ZNF559: variants seen among roughly 807,000 people sequenced by gnomAD.
ZNF559 encodes the protein putative protein product of Nbla00121.
ZNF559 carries 17 observed loss-of-function variants against 14.2 expected under a neutral mutation model. That is an observed-to-expected ratio of 1.20 (90% CI 0.82 to 1.80). ZNF559 has a LOEUF of 1.80. Among genes scored for constraint, ZNF559 ranks in the 40% most tolerant of loss-of-function variants. ZNF559 has a pLI of 0.00. For synonymous variants in ZNF559, 244 were observed against 212.4 expected, an observed-to-expected ratio of 1.15 and a Z score of -1.29; for missense variants, 740 against 629.7, an observed-to-expected ratio of 1.18 and a Z score of -1.88.
chr19:9,344,963 A>G lies in ZNF559; in HGVS notation c.*1895A>G, dbSNP rs2067698354. ...CACCATCAAGATAATGAACATACCT[A>G]TCAAACCAGATGGTTTCCTCATGCC... On this transcript the variant is annotated 3_prime_UTR_variant, in exon 7 of 7. Coordinates refer to ENST00000603380, the MANE Select transcript of ZNF559 (RefSeq NM_032497.3). 2 of 152,266 alleles carry G rather than the reference A, an allele frequency of 1.3e-5. No individual in the cohort carries two copies. Among genetic ancestry groups the G allele is most frequent in the Non-Finnish European group, 2.9e-5 (2 of 68,048 alleles). The allele number at this position is 152,266 out of a possible 1,614,324, so 9.4% of individuals were successfully genotyped here. A position where few individuals can be genotyped will look rare whatever the true frequency, so the allele number is the denominator to read the frequency against.
Position 9,324,767 on chromosome 19 carries a change from T to C in ZNF559, c.-133T>C. The C allele has an allele frequency of 6.5e-7, 1 of 1,535,940 alleles. No homozygotes were observed. Among genetic ancestry groups the C allele is most frequent in the South Asian group, 1.2e-5 (1 of 84,052 alleles). On this transcript the variant is annotated 5_prime_UTR_variant, in exon 2 of 7. Coordinates refer to ENST00000603380, the MANE Select transcript of ZNF559 (RefSeq NM_032497.3). ...CTCCTGGCCTCAGCAACCTGACAAT[T>C]CTGTCGTGTCCCGGTGAGCACTTCA...
At position 9,345,811 on chromosome 19, in the gene ZNF559, TTA is replaced by T. The variant is rs1356819829; in HGVS notation, c.*2747_*2748del. The T allele has an allele frequency of 6.6e-6, 1 of 151,440 alleles. No homozygotes were observed. Among genetic ancestry groups the T allele is most frequent in the African/African-American group, 2.4e-5 (1 of 41,348 alleles). The allele number at this position is 151,440 out of a possible 1,614,324, so 9.4% of individuals were successfully genotyped here. A position where few individuals can be genotyped will look rare whatever the true frequency, so the allele number is the denominator to read the frequency against. On this transcript the variant is annotated 3_prime_UTR_variant, in exon 7 of 7. Transcript: ENST00000603380. The stretch of plus-strand genomic sequence containing the variant: ...TATTAGTGTATTTGATATTAATACT[TTA>T]TATTTAATATAATGTACATTTAAAT...
At chr19:9,337,605 GTTAA>G (rs1438664428) in intron 2 of ZNF559, 187 bp from the exon 3 acceptor site, 2 of 248,054 alleles carry the variant, frequency 8.1e-6, no homozygotes, top group Non-Finnish European at 1.6e-5. Context: ...GTGATGTTGG[GTTAA>G]TTAGTGTCTG....
At chr19:9,332,479 C>CA (rs1046637477) in intron 2 of ZNF559, among the ~76,000 whole-genome samples, 28 of 152,138 alleles carry the variant, frequency 1.8e-4, no homozygotes, top group Non-Finnish European at 3.5e-4. Context: ...GATTTATCTT[C>CA]ACCCCTTTGC....
rs2067671020 is a variant in ZNF559 at position 9,343,699 on chromosome 19, A to T, written c.*631A>T. On this transcript the variant is annotated 3_prime_UTR_variant, in exon 7 of 7. Transcript: ENST00000603380. ...TAGGAAACATCCACACTGAAGAGGA[A>T]CCTGACTGTATGGAAGGTCAAAAAG... 1.0e-6 allele frequency: 1 copy of T among 987,042 alleles called. No individual in the cohort carries two copies. Among genetic ancestry groups the T allele is most frequent in the African/African-American group, 1.7e-5 (1 of 57,372 alleles). 61.1% of individuals were successfully genotyped at this position (987,042 alleles called of 1,614,324 possible).
At chr19:9,328,091 G>A (rs1309367998) in intron 2 of ZNF559, among the ~76,000 whole-genome samples, 2 of 152,004 alleles carry the variant, frequency 1.3e-5, no homozygotes, top group Non-Finnish European at 1.5e-5. Context: ...AACTTAAGAG[G>A]TTTTTTGTTT....
At chr19:9,335,252 C>A (rs564176579) in intron 2 of ZNF559, among the ~76,000 whole-genome samples, 1 of 151,998 alleles carries the variant, frequency 6.6e-6, no homozygotes, top group East Asian at 1.9e-4. Context: ...GCCTTTCCAA[C>A]ATTGCGAGGA....
At position 9,341,887 on chromosome 19, in the gene ZNF559, C is replaced by G; in HGVS notation, c.436C>G (p.Leu146Val). Reference sequence around the variant, plus strand: ...CAAGAAAACTGATATCGGAGAGGAACTTCCTAACTGTAATCAATGTGAAAC... The same window carrying G: ...CAAGAAAACTGATATCGGAGAGGAAGTTCCTAACTGTAATCAATGTGAAAC... Reference protein sequence around the residue: ...LHKKTDIGEELPNCNQCETAF... With the variant: ...LHKKTDIGEEVPNCNQCETAF... Residue 146 changes from leucine (L) to valine (V), a missense_variant, in exon 7 of 7, where the codon CTT (leucine) becomes GTT (valine). By Grantham distance (32) the Leu-to-Val change is conservative. Transcript: ENST00000603380. 6.2e-7 allele frequency: 1 copy of G among 1,610,160 alleles called. No individual in the cohort carries two copies. Among genetic ancestry groups the G allele is most frequent in the Non-Finnish European group, 8.5e-7 (1 of 1,179,030 alleles).
intron 2 of ZNF559, among the ~76,000 whole-genome samples, chr19:9,333,841 G>A (rs1450216624): frequency 2.0e-5 from 3 of 152,008 alleles, no homozygotes; most frequent in African/African-American, 7.3e-5. Context: ...AAATTAAGAG[G>A]CTTGAGCAGG....
intron 5 of ZNF559, among the ~76,000 whole-genome samples, chr19:9,340,029 G>A (rs907341986): frequency 3.5e-5 from 5 of 140,974 alleles, no homozygotes; most frequent in South Asian, 4.5e-4. Flanking sequence ...CTTGTGATCC[G>A]CCCACCTCGG....
chr19:9,343,877 C>T lies in ZNF559; in HGVS notation c.*809C>T. The T allele has an allele frequency of 1.1e-6, 1 of 885,404 alleles. No homozygotes were observed. 54.8% of individuals were successfully genotyped at this position (885,404 alleles called of 1,614,324 possible). A position where few individuals can be genotyped will look rare whatever the true frequency, so the allele number is the denominator to read the frequency against. On this transcript the variant is annotated 3_prime_UTR_variant, in exon 7 of 7. Transcript: ENST00000603380. ...GAGTTATCTCAATTGTTCACGGTTA[C>T]AGATGGAACTCTTTATTATTGAGGA...
At chr19:9,334,348 G>T (rs1457994183) in intron 2 of ZNF559, among the ~76,000 whole-genome samples, 1 of 152,140 alleles carries the variant, frequency 6.6e-6, no homozygotes, top group African/African-American at 2.4e-5. Context: ...GCTCAAAAAG[G>T]TTTTTTGGAG....
chr19:9,340,658 C>A (rs1397806033), intron 5 of ZNF559, among the ~76,000 whole-genome samples: 2 of 150,616 alleles, frequency 1.3e-5, no homozygotes, highest in African/African-American at 4.9e-5. Context: ...CCTCTGCCTT[C>A]CGGGTTCAAG....
chr19:9,324,110 G>T, upstream of ZNF559: 5 of 1,516,108 alleles, frequency 3.3e-6, no homozygotes, highest in Admixed American at 4.0e-5. Flanking sequence ...TGATGGGCCC[G>T]GGAACCCGAG....
chr19:9,339,548 T>C (rs774968796), intron 5 of ZNF559, among the ~76,000 whole-genome samples: 30 of 152,186 alleles, frequency 2.0e-4, no homozygotes, highest in Non-Finnish European at 4.3e-4. Context: ...TTCTTGAATA[T>C]GTGTATGAGC....
chr19:9,341,416 A>G, intron 6 of ZNF559: 1 of 755,206 alleles, frequency 1.3e-6, no homozygotes, highest in Non-Finnish European at 2.3e-6. Flanking sequence ...TGTATCTCAG[A>G]TGTTTTTGAT....
chr19:9,336,684 A>G (rs1038789622), intron 2 of ZNF559, among the ~76,000 whole-genome samples: 7 of 152,190 alleles, frequency 4.6e-5, no homozygotes, highest in African/African-American at 1.7e-4. Flanking sequence ...TTTTTTGTAT[A>G]GTTGACTGCT....
rs940904021 is a variant in ZNF559 at position 9,343,929 on chromosome 19, T to TAG, written c.*862_*863insGA. 45 of 525,542 alleles carry TAG rather than the reference T, an allele frequency of 8.6e-5. No individual in the cohort carries two copies. The African/African-American group carries it at 9.1e-4, about 11-fold the overall frequency. The allele number at this position is 525,542 out of a possible 1,614,324, so 32.6% of individuals were successfully genotyped here. ...TTCCACTCTTTCCCCCATTTGTCAC[T>TAG]ACTACACTTCCCTAGTCTTTAAAAC... On this transcript the variant is annotated 3_prime_UTR_variant, in exon 7 of 7. Coordinates refer to ENST00000603380, the MANE Select transcript of ZNF559 (RefSeq NM_032497.3).
intron 2 of ZNF559, chr19:9,333,145 A>G (rs1259384985): frequency 6.6e-6 from 1 of 151,986 alleles, no homozygotes; most frequent in East Asian, 1.9e-4. Flanking sequence ...GAAGATTTGT[A>G]TTTTTTGGTA....
Sources: gnomAD v4.1 joint callset for allele counts (sites outside exome capture counted in the v4.1 genomes callset) on GRCh38, gnomAD v4.1.1 for gene constraint, MANE v1.5 for transcripts, NCBI Gene and HGNC (gene_info 2026-07-23, HGNC 2026-07-21) for gene names.